Variants in LNX1 observed in about 807,000 individuals in gnomAD.
The protein encoded by LNX1 is ligand of numb-protein X 1.
LNX1 carries 54 observed loss-of-function variants against 68.4 expected under a neutral mutation model. The ratio of observed to expected loss-of-function variants is 0.79; its 90% CI spans 0.63 to 0.99. The LOEUF is 0.99. Among genes scored for constraint, LNX1 ranks in the 50% least tolerant of loss-of-function variants. The probability of loss-of-function intolerance (pLI) is 0.00; values close to 1 mark genes in which losing one functional copy is unlikely to be tolerated. For synonymous variants in LNX1, 336 were observed against 350.0 expected (o/e 0.96, Z 0.45); for missense variants, 906 against 926.4 (o/e 0.98, Z 0.29).
At chr4:53,597,681 C>T (rs1285449451) in intron 2 of LNX1, among the ~76,000 whole-genome samples, 4 of 152,196 alleles carry the variant, frequency 2.6e-5, no homozygotes, top group Non-Finnish European at 4.4e-5. Flanking sequence ...GCTGCCATGC[C>T]TACATCTGCC....
At chr4:53,591,279 T>C (rs1732490215) in intron 1 of LNX1, 109 bp downstream of exon 1, 2 of 616,936 alleles carry the variant, frequency 3.2e-6, no homozygotes, top group Non-Finnish European at 4.1e-6. Flanking sequence ...GGGCAAACAC[T>C]AGCGACAAGC....
At chr4:53,619,222 G>T (rs772050102), upstream of LNX1, among the ~76,000 whole-genome samples, 5 of 152,026 alleles carry the variant, frequency 3.3e-5, no homozygotes, top group African/African-American at 7.2e-5. Context: ...GCTTTAAAAC[G>T]TACACTTTAG....
intron 2 of LNX1, among the ~76,000 whole-genome samples, chr4:53,568,668 T>C (rs1170038240): frequency 4.0e-5 from 6 of 151,436 alleles, no homozygotes; most frequent in Non-Finnish European, 5.9e-5. Context: ...CCAGGGCAAT[T>C]AGGCAGGAGA....
chr4:53,585,124 G>C (rs1293511261), intron 1 of LNX1, among the ~76,000 whole-genome samples: 2 of 152,154 alleles, frequency 1.3e-5, no homozygotes, highest in African/African-American at 4.8e-5. Context: ...GAGGACTCAG[G>C]ATTCAGTGGA....
rs1055944745 is a variant in LNX1, at chr4:53,459,923, C to T, written c.*984G>A. The T allele has an allele frequency of 4.6e-6, 1 of 219,042 alleles. No individual in the cohort carries two copies. The highest frequency in any genetic ancestry group is 9.2e-6 in the Non-Finnish European group (1 of 109,034). The allele number at this position is 219,042 out of a possible 1,614,324, so 13.6% of individuals were successfully genotyped here. Reference sequence around the variant, plus strand: ...TGCTTAGTATATTAAGAGACTCATACATTTTTGATATCACAACTTTTTGAT... The same window carrying T: ...TGCTTAGTATATTAAGAGACTCATATATTTTTGATATCACAACTTTTTGAT... On this transcript the variant is annotated 3_prime_UTR_variant, in exon 11 of 11. Coordinates refer to ENST00000263925, the MANE Select transcript of LNX1 (RefSeq NM_001126328.3).
chr4:53,519,411 G>A (rs564675686), intron 2 of LNX1, among the ~76,000 whole-genome samples: 3 of 150,508 alleles, frequency 2.0e-5, no homozygotes, highest in Admixed American at 2.0e-4. Context: ...AACCACCTGA[G>A]CTATCATTTG....
At chr4:53,610,694 C>T (rs1410872527) in intron 2 of LNX1, among the ~76,000 whole-genome samples, 1 of 120,562 alleles carries the variant, frequency 8.3e-6, no homozygotes, top group South Asian at 2.8e-4. Context: ...GGCGACAGAG[C>T]AAGACTCCCG....
upstream of LNX1, among the ~76,000 whole-genome samples, chr4:53,617,842 T>C (rs1285986138): frequency 1.3e-5 from 2 of 152,196 alleles, no homozygotes; most frequent in African/African-American, 4.8e-5. Flanking sequence ...GTAAATGCTC[T>C]ATTATTTGTT....
chr4:53,571,762 G>A (rs548290622), intron 2 of LNX1, among the ~76,000 whole-genome samples: 5 of 152,234 alleles, frequency 3.3e-5, no homozygotes, highest in African/African-American at 9.6e-5. Flanking sequence ...CCAGGCTCAA[G>A]CAATCCTCCC....
At chr4:53,533,438 G>A (rs754786705) in intron 2 of LNX1, among the ~76,000 whole-genome samples, 20 of 152,046 alleles carry the variant, frequency 1.3e-4, no homozygotes, top group Non-Finnish European at 2.6e-4. Flanking sequence ...TCCCTCTGTC[G>A]CCCAGGCTGG....
Position 53,508,013 on chromosome 4 carries a change from C to T in LNX1, c.595G>A (p.Asp199Asn), listed in dbSNP as rs757101821. 7.4e-6 allele frequency: 12 copies of T among 1,613,998 alleles called. No homozygotes were observed. In the Admixed American group the frequency reaches 1.2e-4, roughly 16 times the overall value. ...EDGQPAISPVDSGRSNRTRAR... is the reference protein window; with the variant it reads ...EDGQPAISPVNSGRSNRTRAR... ...CTAGTTCGGTTGCTCCGGCCAGAGT[C>T]CACTGGGCTGATTGCTGGCTGCCCG... The change falls in exon 3 of 11, where the codon GAC becomes AAC. Residue 199 changes from aspartate to asparagine, a missense_variant. By Grantham distance (23) the Asp-to-Asn change is conservative (BLOSUM62 1). Coordinates refer to ENST00000263925, the MANE Select transcript of LNX1 (RefSeq NM_001126328.3).
At position 53,481,662 on chromosome 4, in the gene LNX1, C is replaced by T. The variant is rs959184655; in HGVS notation, c.1485+58G>A. 3.1e-5 allele frequency: 48 copies of T among 1,562,882 alleles called. No homozygotes were observed. In the African/African-American group the frequency reaches 6.2e-4, roughly 20 times the overall value. ...TGACACTTAGACATGTTAAAACAAGCAGCCTTCCCAAGAAATAGCCCCTTG... is the reference window on the plus strand; with the variant it reads ...TGACACTTAGACATGTTAAAACAAGTAGCCTTCCCAAGAAATAGCCCCTTG... On this transcript the variant is annotated intron_variant, in intron 7 of 10. Transcript: ENST00000263925.
chr4:53,589,688 T>C (rs922203483), intron 1 of LNX1, among the ~76,000 whole-genome samples: 3 of 152,146 alleles, frequency 2.0e-5, no homozygotes, highest in African/African-American at 7.2e-5. Flanking sequence ...ATGAAGGAGA[T>C]TGCACATTTT....
At chr4:53,621,086 C>T (rs1260506365), upstream of LNX1, among the ~76,000 whole-genome samples, 1 of 152,178 alleles carries the variant, frequency 6.6e-6, no homozygotes, top group Non-Finnish European at 1.5e-5. Context: ...GAGTGTGGTG[C>T]ACAGGGCACG....
intron 6 of LNX1, among the ~76,000 whole-genome samples, chr4:53,490,021 AT>A (rs1724574315): frequency 6.6e-6 from 1 of 152,252 alleles, no homozygotes; most frequent in East Asian, 1.9e-4. Context: ...CAAATAGTCC[AT>A]TATTGGCTTT....
intron 8 of LNX1, 135 bp downstream of exon 8, chr4:53,478,430 G>C (rs889678876): frequency 2.7e-6 from 2 of 748,142 alleles, no homozygotes; most frequent in African/African-American, 3.7e-5. Context: ...ACCAATCATG[G>C]TCAATGGGTA....
At chr4:53,604,876 A>T (rs1733164324) in intron 2 of LNX1, among the ~76,000 whole-genome samples, 1 of 152,226 alleles carries the variant, frequency 6.6e-6, no homozygotes, top group South Asian at 2.1e-4. Context: ...GGAAACATGA[A>T]GCTGTATATG....
Position 53,496,009 on chromosome 4 carries a change from G to T in LNX1, c.1350+14C>A. 1 of 1,602,868 alleles carries T rather than the reference G, an allele frequency of 6.2e-7. No homozygotes were observed. The highest frequency in any genetic ancestry group is 1.1e-5 in the South Asian group (1 of 89,606). On this transcript the variant is annotated intron_variant, in intron 6 of 10. Coordinates refer to ENST00000263925, the MANE Select transcript of LNX1 (RefSeq NM_001126328.3). ...GGGTTTCTGACTGGGATCCTGGAAT[G>T]ACCTCTGACTCACCTGAATCAGATG...
chr4:53,466,383 G>T (rs555410440), intron 9 of LNX1, among the ~76,000 whole-genome samples: 62 of 152,312 alleles, frequency 4.1e-4, no homozygotes, highest in African/African-American at 1.5e-3. Flanking sequence ...AGCCGAATAG[G>T]AACAGCTCCA....
Sources: allele counts gnomAD v4.1 joint callset (sites outside exome capture counted in the v4.1 genomes callset), GRCh38; gene constraint gnomAD v4.1.1; transcripts MANE v1.5; gene names NCBI Gene and HGNC (gene_info 2026-07-23, HGNC 2026-07-21).